Variants in CYTH4 observed in about 807,000 individuals in gnomAD.
The protein encoded by CYTH4 is cytohesin-4.
Under a neutral mutation model 57.5 loss-of-function variants are expected in CYTH4, and 22 were observed. That is an observed-to-expected ratio of 0.38 (90% confidence interval 0.27 to 0.55). The LOEUF (loss-of-function observed/expected upper bound fraction) is 0.55, where lower values mean the gene tolerates loss of function less well. CYTH4 is among the 20% of genes least tolerant of loss of function. The pLI is 0.74. For missense variants in CYTH4, 420 were observed against 535.6 expected (o/e 0.78, Z 2.13); for synonymous variants, 186 against 206.5 (o/e 0.90, Z 0.85).
In CYTH4 at chr22:37,313,533, G is replaced by A. The variant is rs375937658; in HGVS notation, c.*22G>A. The A allele has an allele frequency of 1.6e-5, 25 of 1,612,648 alleles. No individual in the cohort carries two copies. The highest frequency in any genetic ancestry group is 4.0e-5 in the African/African-American group (3 of 74,910). ...GTGAGATTCCTGGAGGTGGCACTGGGGGCTGGTCACCCTGAGAGTCCCATC... is the reference window on the plus strand; with the variant it reads ...GTGAGATTCCTGGAGGTGGCACTGGAGGCTGGTCACCCTGAGAGTCCCATC... On this transcript the variant is annotated 3_prime_UTR_variant, in exon 13 of 13. Transcript: ENST00000248901.
At chr22:37,300,880 C>T (rs762536949) in intron 6 of CYTH4, 27 bp from the exon 7 acceptor site, 1 of 1,604,820 alleles carries the variant, frequency 6.2e-7, no homozygotes, top group Admixed American at 1.7e-5. Flanking sequence ...ACCCACTCCA[C>T]TGCCCGTGGC....
chr22:37,297,186 G>A lies in CYTH4; in HGVS notation c.235-378G>A, dbSNP rs181787237. Among the ~76,000 whole-genome samples the A allele has an allele frequency of 5.3e-5, 8 of 152,236 alleles. No homozygotes were observed. In the East Asian group the frequency reaches 1.5e-3, roughly 29 times the overall value. Reference sequence around the variant, plus strand: ...GATTACTTGTGTGAAAGAATGAAACGCTATTTTTAAATAATATGAGTTTTA... The same window carrying A: ...GATTACTTGTGTGAAAGAATGAAACACTATTTTTAAATAATATGAGTTTTA... On this transcript the variant is annotated intron_variant, in intron 4 of 12. Coordinates refer to ENST00000248901, the MANE Select transcript of CYTH4 (RefSeq NM_013385.5).
At chr22:37,287,348 G>A (rs572189658) in intron 1 of CYTH4, among the ~76,000 whole-genome samples, 1 of 152,194 alleles carries the variant, frequency 6.6e-6, no homozygotes, top group South Asian at 2.1e-4. Flanking sequence ...AGGAATGCTG[G>A]AGCCCACCCT....
intron 7 of CYTH4, among the ~76,000 whole-genome samples, chr22:37,302,855 C>A (rs1046674627): frequency 2.0e-5 from 3 of 152,172 alleles, no homozygotes. Context: ...AACAGTGCCG[C>A]TAACAATGAG....
At position 37,299,207 on chromosome 22, in the gene CYTH4, CTTCCG is replaced by C; in HGVS notation, c.354-18_354-14del. 1 of 1,561,926 alleles carries C rather than the reference CTTCCG, an allele frequency of 6.4e-7. No homozygotes were observed. Among genetic ancestry groups the C allele is most frequent in the Non-Finnish European group, 8.8e-7 (1 of 1,134,604 alleles). ...AGTATCCAAGTGTGTCCCACCCTCC[CTTCCG>C]CCTCCTCCCCCAGGGATCCCATCAA... On this transcript the variant is annotated splice_polypyrimidine_tract_variant and intron_variant, in intron 5 of 12. Transcript: ENST00000248901.
intron 6 of CYTH4, chr22:37,299,985 T>G: frequency 1.4e-6 from 1 of 706,588 alleles, no homozygotes. Context: ...AGTGAGGCTC[T>G]GTCTCACAAA....
Position 37,309,398 on chromosome 22 carries a change from C to T in CYTH4, c.808+75C>T, listed in dbSNP as rs565205064. 76 of 1,305,940 alleles carry T rather than the reference C, an allele frequency of 5.8e-5. No individual in the cohort carries two copies. In the African/African-American group the frequency reaches 1.0e-3, roughly 17 times the overall value. 80.9% of individuals were successfully genotyped at this position (1,305,940 alleles called of 1,614,324 possible). On this transcript the variant is annotated intron_variant, in intron 9 of 12. Transcript: ENST00000248901. ...GGGCACACATCGTTGCATGCACACT[C>T]CTGGACGCACAGGCCCCCAGCTGAC... is the stretch of plus-strand genomic sequence containing the variant.
At position 37,303,283 on chromosome 22, in the gene CYTH4, A is replaced by C. The variant is rs764469352; in HGVS notation, c.577A>C (p.Ile193Leu). The change falls in exon 8 of 13, where the codon ATC becomes CTC. Residue 193 changes from isoleucine (I) to leucine (L), a missense_variant. Coordinates refer to ENST00000248901, the MANE Select transcript of CYTH4 (RefSeq NM_013385.5). ...CTGCTACGTGTTGTCCTTCTCCATC[A>C]TCATGCTCAACACCAGCCTCCACAA... The part of the protein sequence containing the change: ...DTCYVLSFSI[I>L]MLNTSLHNPN... 6.2e-7 allele frequency: 1 copy of C among 1,614,156 alleles called. No individual in the cohort carries two copies. Among genetic ancestry groups the C allele is most frequent in the South Asian group, 1.1e-5 (1 of 91,088 alleles).
At chr22:37,300,364 G>C (rs1929135613) in intron 6 of CYTH4, 1 of 661,160 alleles carries the variant, frequency 1.5e-6, no homozygotes, top group African/African-American at 1.8e-5. Flanking sequence ...CCTTTGCTAG[G>C]TGCCCAGGAC....
intron 8 of CYTH4, among the ~76,000 whole-genome samples, chr22:37,308,128 T>C (rs1929468284): frequency 6.6e-6 from 1 of 152,096 alleles, no homozygotes; most frequent in Non-Finnish European, 1.5e-5. Flanking sequence ...CACCCTGGGC[T>C]CTCCCTCAGC....
At position 37,308,460 on chromosome 22, in the gene CYTH4, A is replaced by AT. The variant is rs35390772; in HGVS notation, c.697-751dup. Among the ~76,000 whole-genome samples the AT allele has an allele frequency of 4.6e-4, 68 of 147,306 alleles. 2 individuals are homozygous for AT. The highest frequency in any genetic ancestry group is 7.0e-3 in the Middle Eastern group (2 of 284). ...TGCATGTGTGTGAGTGTGCATGTAT[A>AT]TAAGTGTGTGTGTATGTGTGTACGT... On this transcript the variant is annotated intron_variant, in intron 8 of 12. Coordinates refer to ENST00000248901, the MANE Select transcript of CYTH4 (RefSeq NM_013385.5).
rs373509341 is a variant in CYTH4 at position 37,282,554 on chromosome 22, C to T, written c.-16C>T. On this transcript the variant is annotated 5_prime_UTR_variant, in exon 1 of 13. Transcript: ENST00000248901. ...GCGACAGGAGCACGGGTCATCTTTT[C>T]CCCAGAGGCGTCGGAATGGACCTGT... The T allele has an allele frequency of 1.3e-5, 21 of 1,613,554 alleles. No homozygotes were observed. Among genetic ancestry groups the T allele is most frequent in the Non-Finnish European group, 1.6e-5 (19 of 1,179,740 alleles).
intron 7 of CYTH4, among the ~76,000 whole-genome samples, chr22:37,302,902 T>A (rs940995339): frequency 6.6e-6 from 1 of 150,714 alleles, no homozygotes; most frequent in Non-Finnish European, 1.5e-5. Context: ...GAGAACAGAG[T>A]GGGCAGGGGG....
At chr22:37,287,279 G>A (rs1928593189) in intron 1 of CYTH4, among the ~76,000 whole-genome samples, 1 of 152,046 alleles carries the variant, frequency 6.6e-6, no homozygotes, top group Non-Finnish European at 1.5e-5. Flanking sequence ...GGTCGGCCTA[G>A]GAGGAGCTTC....
chr22:37,296,180 T>C, intron 4 of CYTH4, 115 bp downstream of exon 4: 1 of 1,132,484 alleles, frequency 8.8e-7, no homozygotes, highest in Non-Finnish European at 1.3e-6. Context: ...GAGGAAGCTG[T>C]GCCCAGCAGA....
At chr22:37,290,097 T>G (rs1601697401) in intron 1 of CYTH4, among the ~76,000 whole-genome samples, 1 of 152,298 alleles carries the variant, frequency 6.6e-6, no homozygotes, top group East Asian at 1.9e-4. Context: ...GTACCAGCGA[T>G]GTCCATTCCA....
At position 37,315,018 on chromosome 22, in the gene CYTH4, T is replaced by C. The variant is rs752070553; in HGVS notation, c.*1507T>C. The C allele has an allele frequency of 2.6e-5, 4 of 152,264 alleles. No homozygotes were observed. Among genetic ancestry groups the C allele is most frequent in the Non-Finnish European group, 4.4e-5 (3 of 68,082 alleles). 9.4% of individuals were successfully genotyped at this position (152,264 alleles called of 1,614,324 possible). ...GATATTGCAGCAGACAAGGTCTGGGTTGGGCGTCTGCAGGAGGACACCTTG... is the reference window on the plus strand; with the variant it reads ...GATATTGCAGCAGACAAGGTCTGGGCTGGGCGTCTGCAGGAGGACACCTTG... On this transcript the variant is annotated 3_prime_UTR_variant, in exon 13 of 13. Transcript: ENST00000248901.
In CYTH4 at chr22:37,303,367, A is replaced by C. The variant is rs773391601; in HGVS notation, c.661A>C (p.Asn221His). ...CTTTGTGTCCATGAACCGCGGCATC[A>C]ACAATGGTAGCGACCTGCCCGAGGA... ...ERFVSMNRGI[N>H]NGSDLPEDQL... The change falls in exon 8 of 13, where the codon AAC becomes CAC. Residue 221 changes from asparagine to histidine, a missense_variant. Transcript: ENST00000248901. 1 of 1,614,128 alleles carries C rather than the reference A, an allele frequency of 6.2e-7. No individual in the cohort carries two copies. Among genetic ancestry groups the C allele is most frequent in the Non-Finnish European group, 8.5e-7 (1 of 1,179,998 alleles).
chr22:37,308,540 GTA>G (rs1162675752), intron 8 of CYTH4, among the ~76,000 whole-genome samples: 3 of 151,630 alleles, frequency 2.0e-5, no homozygotes, highest in East Asian at 1.9e-4. Context: ...GTGAGTGTGT[GTA>G]TGTGTGTAAG....
Sources: gnomAD v4.1 joint callset for allele counts (sites outside exome capture counted in the v4.1 genomes callset) on GRCh38, gnomAD v4.1.1 for gene constraint, MANE v1.5 for transcripts, NCBI Gene and HGNC (gene_info 2026-07-23, HGNC 2026-07-21) for gene names.